DLGAP2: variants seen among roughly 807,000 people sequenced by gnomAD.
DLGAP2 encodes disks large-associated protein 2.
In DLGAP2, 26 loss-of-function variants were observed where a neutral mutation model predicts 100.3. The ratio of observed to expected loss-of-function variants is 0.26; its 90% CI spans 0.19 to 0.36. DLGAP2 has a LOEUF of 0.36. Ranked by LOEUF, DLGAP2 falls within the 10% of genes least tolerant of loss-of-function variation. The pLI, the probability that DLGAP2 is intolerant of heterozygous loss-of-function variation, is 1.00. For missense variants in DLGAP2, 1,858 were observed against 1,453.2 expected (o/e 1.28, Z -4.53); for synonymous variants, 886 against 630.1 (o/e 1.41, Z -6.08).
intron 2 of DLGAP2, among the ~76,000 whole-genome samples, chr8:1,180,252 A>G (rs907372944): frequency 1.3e-5 from 2 of 152,206 alleles, no homozygotes; most frequent in African/African-American, 4.8e-5. Flanking sequence ...AGCTACACAT[A>G]TGTCCATGTA....
chr8:1,241,266 C>G (rs1029654254), intron 2 of DLGAP2, among the ~76,000 whole-genome samples: 4 of 151,558 alleles, frequency 2.6e-5, no homozygotes, highest in African/African-American at 9.7e-5. Flanking sequence ...GTCTAGTTCT[C>G]TCACATGGCT....
At chr8:1,029,351 G>C (rs915418733) in intron 2 of DLGAP2, among the ~76,000 whole-genome samples, 5 of 152,196 alleles carry the variant, frequency 3.3e-5, no homozygotes, top group Admixed American at 3.3e-4. Flanking sequence ...CAGCATTTAG[G>C]GTGGGCAGAG....
chr8:1,072,071 C>T (rs549096226), intron 2 of DLGAP2, among the ~76,000 whole-genome samples: 3 of 152,330 alleles, frequency 2.0e-5, no homozygotes, highest in African/African-American at 4.8e-5. Context: ...TGATCTTTGG[C>T]TCCGTCCTGC....
Position 1,703,833 on chromosome 8 carries a change from G to T in DLGAP2, c.*2427G>T, listed in dbSNP as rs1205763425. On this transcript the variant is annotated 3_prime_UTR_variant, in exon 15 of 15. Coordinates refer to ENST00000637795, the MANE Select transcript of DLGAP2 (RefSeq NM_001346810.2). ...AAAGTCTTGGCCTAAACCATCCCTAGGGGAGCAGATTAACCTACCACTACA... is the reference window on the plus strand; with the variant it reads ...AAAGTCTTGGCCTAAACCATCCCTATGGGAGCAGATTAACCTACCACTACA... The T allele has an allele frequency of 1.3e-5, 2 of 152,558 alleles. No homozygotes were observed. Among genetic ancestry groups the T allele is most frequent in the East Asian group, 3.8e-4 (2 of 5,200 alleles). 9.5% of individuals were successfully genotyped at this position (152,558 alleles called of 1,614,324 possible). A position where few individuals can be genotyped will look rare whatever the true frequency, so the allele number is the denominator to read the frequency against.
chr8:1,619,485 A>G (rs530625304), intron 6 of DLGAP2, among the ~76,000 whole-genome samples: 154 of 152,360 alleles, frequency 1.0e-3, no homozygotes, highest in African/African-American at 3.5e-3. Context: ...TAAGAAAGAA[A>G]AATAAATTTT....
At position 1,592,752 on chromosome 8, in the gene DLGAP2, C is replaced by T. The variant is rs1004286442; in HGVS notation, c.1442+26858C>T. Among the ~76,000 whole-genome samples the T allele has an allele frequency of 2.6e-5, 4 of 152,112 alleles. No individual in the cohort carries two copies. The South Asian group carries it at 6.2e-4, about 24-fold the overall frequency. On this transcript the variant is annotated intron_variant, in intron 6 of 14. Transcript: ENST00000637795. ...CTTCCTGATTAAATTATGACCTCCT[C>T]AAATGGAAGGGCAATATAAACTCAT...
chr8:1,061,953 T>C (rs1803097627), intron 2 of DLGAP2, among the ~76,000 whole-genome samples: 1 of 152,026 alleles, frequency 6.6e-6, no homozygotes, highest in Non-Finnish European at 1.5e-5. Context: ...AAGTTGCCCA[T>C]TTATGGCTAC....
intron 6 of DLGAP2, among the ~76,000 whole-genome samples, chr8:1,588,072 T>C (rs190892518): frequency 5.9e-4 from 90 of 152,314 alleles, no homozygotes; most frequent in Non-Finnish European, 1.1e-3. Context: ...AAATAATTTT[T>C]CACATTCGCA....
chr8:1,347,971 T>G (rs1026670755), intron 3 of DLGAP2, among the ~76,000 whole-genome samples: 1 of 151,000 alleles, frequency 6.6e-6, no homozygotes, highest in African/African-American at 2.4e-5. Context: ...ATTGCACTCA[T>G]GGTAGCTGTG....
At chr8:1,267,720 G>A (rs1311131798) in intron 3 of DLGAP2, among the ~76,000 whole-genome samples, 5 of 152,090 alleles carry the variant, frequency 3.3e-5, no homozygotes, top group African/African-American at 7.2e-5. Context: ...GGCCCCCTCC[G>A]TAGCAACTCT....
At position 1,040,118 on chromosome 8, in the gene DLGAP2, GGCTCGGTGTGCGTGGTCA is replaced by G. The variant is rs1369223437; in HGVS notation, c.73+132158_73+132175del. ...CGTGGTCGGCTCGGTGTGCGTGGTCGGCTCGGTGTGCGTGGTCAGCTCGCTGCACGTGTTCGGCTCGGT... is the reference window on the plus strand; with the variant it reads ...CGTGGTCGGCTCGGTGTGCGTGGTCGGCTCGCTGCACGTGTTCGGCTCGGT... On this transcript the variant is annotated intron_variant, in intron 2 of 14. Transcript: ENST00000637795. Among the ~76,000 whole-genome samples, 126 of 121,356 alleles carry G rather than the reference GGCTCGGTGTGCGTGGTCA, an allele frequency of 1.0e-3. 1 individual carries two copies. Among genetic ancestry groups the G allele is most frequent in the South Asian group, 2.3e-3 (8 of 3,472 alleles). The allele number at this position is 121,356 out of a possible 152,430, so 79.6% of individuals were successfully genotyped here.
intron 3 of DLGAP2, among the ~76,000 whole-genome samples, chr8:1,419,618 C>G (rs1299323598): frequency 2.0e-5 from 3 of 152,286 alleles, no homozygotes; most frequent in African/African-American, 4.8e-5. Context: ...TATCCAGCAT[C>G]GCATCACTAA....
At chr8:1,178,283 G>T (rs888201935) in intron 2 of DLGAP2, among the ~76,000 whole-genome samples, 1 of 152,216 alleles carries the variant, frequency 6.6e-6, no homozygotes, top group Admixed American at 6.5e-5. Context: ...AGAGGGCTGT[G>T]AATTGTTCTT....
intron 4 of DLGAP2, among the ~76,000 whole-genome samples, chr8:1,522,492 T>A (rs927469917): frequency 1.3e-5 from 2 of 152,150 alleles, no homozygotes; most frequent in Non-Finnish European, 1.5e-5. Context: ...CACGCACGGG[T>A]GCTGGGTCAT....
At chr8:953,445 G>C (rs1157666572) in intron 2 of DLGAP2, among the ~76,000 whole-genome samples, 1 of 152,186 alleles carries the variant, frequency 6.6e-6, no homozygotes, top group Admixed American at 6.5e-5. Context: ...ACCCACATCA[G>C]CTTCCCAAAG....
intron 4 of DLGAP2, among the ~76,000 whole-genome samples, chr8:1,515,810 G>C (rs990898268): frequency 2.0e-5 from 3 of 152,210 alleles, no homozygotes; most frequent in African/African-American, 7.2e-5. Context: ...CCTCCAGTCT[G>C]TTCCCTGCTC....
At chr8:1,273,029 T>C (rs1019569654) in intron 3 of DLGAP2, among the ~76,000 whole-genome samples, 2 of 152,168 alleles carry the variant, frequency 1.3e-5, no homozygotes, top group African/African-American at 2.4e-5. Flanking sequence ...CTTGAATATC[T>C]CCAACAAAGT....
chr8:764,736 C>T (rs1001839080), intron 1 of DLGAP2, among the ~76,000 whole-genome samples: 3 of 152,140 alleles, frequency 2.0e-5, no homozygotes, highest in African/African-American at 7.2e-5. Flanking sequence ...TGACTTGTGC[C>T]GTCTTCTAAG....
chr8:1,320,857 G>C lies in DLGAP2; in HGVS notation c.106+61974G>C, dbSNP rs543769291. Among the ~76,000 whole-genome samples the C allele has an allele frequency of 5.9e-5, 9 of 152,112 alleles. 1 individual carries two copies. The South Asian group carries it at 1.9e-3, about 32-fold the overall frequency. On this transcript the variant is annotated intron_variant, in intron 3 of 14. Coordinates refer to ENST00000637795, the MANE Select transcript of DLGAP2 (RefSeq NM_001346810.2). Reference sequence around the variant, plus strand: ...TGTGTGTGCACGTGTGTTTCTCTCTGTGTTTGCATTCGTGTGTGTGTGCAC... The same window carrying C: ...TGTGTGTGCACGTGTGTTTCTCTCTCTGTTTGCATTCGTGTGTGTGTGCAC...
Sources: allele counts gnomAD v4.1 joint callset (sites outside exome capture counted in the v4.1 genomes callset), GRCh38; gene constraint gnomAD v4.1.1; transcripts MANE v1.5; gene names NCBI Gene and HGNC (gene_info 2026-07-23, HGNC 2026-07-21).